The following EFCAB6 variants were observed in gnomAD, a reference collection of about 807,000 sequenced individuals.
EFCAB6 encodes EF-hand calcium-binding domain-containing protein 6.
In EFCAB6, 156 loss-of-function variants were observed where a neutral mutation model predicts 169.8. The ratio of observed to expected loss-of-function variants is 0.92; its 90% CI spans 0.81 to 1.05. The LOEUF (loss-of-function observed/expected upper bound fraction) is 1.05, where lower values mean the gene tolerates loss of function less well. EFCAB6 is among the 50% of genes least tolerant of loss of function. EFCAB6 has a pLI of 0.00. For missense variants in EFCAB6, 1,800 were observed against 1,829.1 expected, an observed-to-expected ratio of 0.98 and a Z score of 0.29; for synonymous variants, 698 against 676.4, an observed-to-expected ratio of 1.03 and a Z score of -0.50.
intron 17 of EFCAB6, among the ~76,000 whole-genome samples, chr22:43,663,840 G>A (rs2057119125): frequency 1.3e-5 from 2 of 152,158 alleles, no homozygotes; most frequent in Admixed American, 1.3e-4. Flanking sequence ...GGCCCTTGCC[G>A]GAGCCCCAGC....
At chr22:43,691,145 C>T (rs983311863) in intron 10 of EFCAB6, among the ~76,000 whole-genome samples, 3 of 152,066 alleles carry the variant, frequency 2.0e-5, no homozygotes, top group Non-Finnish European at 2.9e-5. Flanking sequence ...CACATGGCCA[C>T]GTCTAAACAA....
chr22:43,727,529 C>T (rs1344144276), intron 8 of EFCAB6, among the ~76,000 whole-genome samples: 1 of 152,052 alleles, frequency 6.6e-6, no homozygotes, highest in Non-Finnish European at 1.5e-5. Flanking sequence ...AGTGAACAGA[C>T]AGGAAATCTC....
chr22:43,544,607 G>A (rs551913049), intron 27 of EFCAB6, among the ~76,000 whole-genome samples: 1 of 152,292 alleles, frequency 6.6e-6, no homozygotes, highest in South Asian at 2.1e-4. Flanking sequence ...TTCTGGAAAA[G>A]CCTCCTGGTG....
intron 25 of EFCAB6, among the ~76,000 whole-genome samples, chr22:43,580,058 A>T (rs1255884782): frequency 6.6e-6 from 1 of 152,140 alleles, no homozygotes; most frequent in Non-Finnish European, 1.5e-5. Context: ...CTCCTGGAGG[A>T]CTTCACAATG....
At chr22:43,753,524 G>A (rs1229772847) in intron 6 of EFCAB6, among the ~76,000 whole-genome samples, 1 of 152,166 alleles carries the variant, frequency 6.6e-6, no homozygotes, top group Non-Finnish European at 1.5e-5. Context: ...CAAGGATGGA[G>A]AGATGAGACC....
chr22:43,687,401 A>G lies in EFCAB6; in HGVS notation c.1142+70T>C, dbSNP rs2058238464. ...AATAAATGCAGAAAAAGTAGCACAG[A>G]TATTCTCTGATATTTTACATATTAT... On this transcript the variant is annotated intron_variant, in intron 11 of 31. Coordinates refer to ENST00000262726, the MANE Select transcript of EFCAB6 (RefSeq NM_022785.4). 1.1e-5 allele frequency: 10 copies of G among 928,720 alleles called. No homozygotes were observed. The East Asian group carries it at 2.8e-4, about 26-fold the overall frequency. 57.5% of individuals were successfully genotyped at this position (928,720 alleles called of 1,614,324 possible).
intron 24 of EFCAB6, among the ~76,000 whole-genome samples, chr22:43,587,155 C>T (rs1300122922): frequency 6.6e-6 from 1 of 152,138 alleles, no homozygotes; most frequent in African/African-American, 2.4e-5. Flanking sequence ...AAGCAGACCC[C>T]AGACCTCTTG....
rs189972685 is a variant in EFCAB6, at chr22:43,578,192, C to T, written c.3229-1704G>A. On this transcript the variant is annotated intron_variant, in intron 25 of 31. Coordinates refer to ENST00000262726, the MANE Select transcript of EFCAB6 (RefSeq NM_022785.4). ...GTGTGACCCTGGGCAGGTTTATTCACGCTGAGCCTCAGTTTCCCCTCCTGT... is the reference window on the plus strand; with the variant it reads ...GTGTGACCCTGGGCAGGTTTATTCATGCTGAGCCTCAGTTTCCCCTCCTGT... 1.5e-3 allele frequency among the ~76,000 whole-genome samples: 229 copies of T among 152,282 alleles called. 1 individual carries two copies. Among genetic ancestry groups the T allele is most frequent in the East Asian group, 3.9e-3 (20 of 5,176 alleles).
intron 17 of EFCAB6, among the ~76,000 whole-genome samples, chr22:43,659,220 G>A (rs997106433): frequency 1.3e-5 from 2 of 152,158 alleles, no homozygotes; most frequent in African/African-American, 4.8e-5. Flanking sequence ...TCTTACTTTT[G>A]TGTTTTTCCC....
In EFCAB6 at chr22:43,573,876, G is replaced by A. The variant is rs79001211; in HGVS notation, c.3420+2421C>T. ...TATAATGGACATAAACAACTTCTAC[G>A]AATGTCAGCTTAAATCATATGAAAT... On this transcript the variant is annotated intron_variant, in intron 26 of 31. Coordinates refer to ENST00000262726, the MANE Select transcript of EFCAB6 (RefSeq NM_022785.4). Among the ~76,000 whole-genome samples, 954 of 152,098 alleles carry A rather than the reference G, an allele frequency of 6.3e-3. 14 individuals are homozygous for A. The highest frequency in any genetic ancestry group is 0.022 in the African/African-American group (893 of 41,464).
chr22:43,762,179 T>A (rs185204504), intron 5 of EFCAB6, among the ~76,000 whole-genome samples: 1 of 152,340 alleles, frequency 6.6e-6, no homozygotes, highest in East Asian at 1.9e-4. Flanking sequence ...TTCCCCTTAT[T>A]CACTCAGCAC....
intron 5 of EFCAB6, among the ~76,000 whole-genome samples, chr22:43,761,111 G>A (rs2061148781): frequency 1.3e-5 from 2 of 152,194 alleles, no homozygotes; most frequent in Non-Finnish European, 2.9e-5. Flanking sequence ...AGGGCTTATA[G>A]GAGGGTGCCA....
At chr22:43,640,744 A>G (rs949530117) in intron 17 of EFCAB6, among the ~76,000 whole-genome samples, 7 of 152,210 alleles carry the variant, frequency 4.6e-5, no homozygotes, top group African/African-American at 1.4e-4. Context: ...TTCATTTTCC[A>G]GGACCTTCAG....
intron 4 of EFCAB6, among the ~76,000 whole-genome samples, chr22:43,768,656 T>A (rs2061386664): frequency 6.6e-6 from 1 of 152,230 alleles, no homozygotes; most frequent in South Asian, 2.1e-4. Context: ...GGACAGACTA[T>A]CAAGACCTGT....
rs569569797 is a variant in EFCAB6, at chr22:43,537,741, T to C, written c.3880-196A>G. On this transcript the variant is annotated intron_variant, in intron 28 of 31. Coordinates refer to ENST00000262726, the MANE Select transcript of EFCAB6 (RefSeq NM_022785.4). The surrounding 1 kb of genome is among the most constrained non-coding windows in gnomAD (Gnocchi z 4.3). ...TCCATTGGTGGGCTATATGTACTTA[T>C]GCCAAGCCATAATAACCAAAATAAT... Among the ~76,000 whole-genome samples, 2 of 152,320 alleles carry C rather than the reference T, an allele frequency of 1.3e-5. No individual in the cohort carries two copies. The highest frequency in any genetic ancestry group is 1.9e-4 in the East Asian group (1 of 5,192).
intron 6 of EFCAB6, among the ~76,000 whole-genome samples, chr22:43,752,794 T>C (rs2060818475): frequency 6.6e-6 from 1 of 152,214 alleles, no homozygotes. Flanking sequence ...TTGGGTGAGA[T>C]AAGAAGCTCC....
intron 17 of EFCAB6, among the ~76,000 whole-genome samples, chr22:43,663,919 C>T (rs2057123504): frequency 6.6e-6 from 1 of 152,236 alleles, no homozygotes; most frequent in Non-Finnish European, 1.5e-5. Context: ...TATCTGCAAG[C>T]CACCGAGTCC....
At chr22:43,540,013 C>T (rs371386775) in intron 28 of EFCAB6, 114 bp downstream of exon 28, 149 of 1,170,684 alleles carry the variant, frequency 1.3e-4, no homozygotes, top group Middle Eastern at 8.0e-4. Context: ...CAGACTCACC[C>T]GTCTTCTCAG....
At chr22:43,623,723 G>C (rs541902143) in intron 20 of EFCAB6, among the ~76,000 whole-genome samples, 1 of 133,828 alleles carries the variant, frequency 7.5e-6, no homozygotes, top group African/African-American at 2.9e-5. Flanking sequence ...GTGAAACCCC[G>C]TCTCTACTAA....
Sources: gnomAD v4.1 joint callset for allele counts (sites outside exome capture counted in the v4.1 genomes callset) on GRCh38, gnomAD v4.1.1 for gene constraint, Gnocchi (gnomAD v3.1) non-coding constraint, MANE v1.5 for transcripts, NCBI Gene and HGNC (gene_info 2026-07-23, HGNC 2026-07-21) for gene names.